The following LRBA variants were observed in gnomAD, a reference collection of about 807,000 sequenced individuals.
LRBA encodes LPS responsive beige-like anchor protein, also known as lipopolysaccharide-responsive and beige-like anchor protein.
LRBA carries 176 observed loss-of-function variants against 330.0 expected under a neutral mutation model. That is an observed-to-expected ratio of 0.53 (90% CI 0.47 to 0.60). The LOEUF is 0.60. LRBA is among the 20% of genes least tolerant of loss of function. LRBA has a pLI of 0.00. For missense variants in LRBA, 3,259 were observed against 3,444.8 expected, an observed-to-expected ratio of 0.95 and a Z score of 1.35; for synonymous variants, 1,230 against 1,193.0, an observed-to-expected ratio of 1.03 and a Z score of -0.64.
chr4:150,850,686 G>T (rs764689833), intron 24 of LRBA, 38 bp downstream of exon 24: 2 of 1,327,778 alleles, frequency 1.5e-6, no homozygotes, highest in Non-Finnish European at 2.1e-6. Flanking sequence ...TAAAGACTAG[G>T]TTTATACACA....
intron 53 of LRBA, among the ~76,000 whole-genome samples, chr4:150,292,581 G>A (rs1728454934): frequency 6.6e-6 from 1 of 152,110 alleles, no homozygotes; most frequent in Non-Finnish European, 1.5e-5. Flanking sequence ...ACTCCTGGCT[G>A]GGCCAGAAAA....
rs573454519 is a variant in LRBA at position 150,952,513 on chromosome 4, T to TA, written c.217-23449dup. ...CTTTAAACAATAAAAAAAAGGACTT[T>TA]AAAAAATCCAAGTAGTAAAGGCCAT... is the stretch of plus-strand genomic sequence containing the variant. On this transcript the variant is annotated intron_variant, in intron 2 of 56. Transcript: ENST00000651943. Among the ~76,000 whole-genome samples the TA allele has an allele frequency of 7.3e-3, 1,106 of 152,250 alleles. 8 individuals are homozygous for TA. Among genetic ancestry groups the TA allele is most frequent in the Middle Eastern group, 0.02 (6 of 294 alleles).
chr4:150,981,627 T>C (rs557360484), intron 2 of LRBA, among the ~76,000 whole-genome samples: 2 of 151,648 alleles, frequency 1.3e-5, no homozygotes, highest in Non-Finnish European at 2.9e-5. Context: ...AACAAATCCA[T>C]ACAACTACAG....
chr4:150,601,667 C>A (rs1774127184), intron 37 of LRBA, among the ~76,000 whole-genome samples: 1 of 151,928 alleles, frequency 6.6e-6, no homozygotes, highest in African/African-American at 2.4e-5. Context: ...TGCAGACATA[C>A]ATACTGTCTT....
chr4:150,379,303 CAAAAAAAA>C (rs10634420), intron 47 of LRBA, among the ~76,000 whole-genome samples: 2 of 59,884 alleles, frequency 3.3e-5, no homozygotes, highest in Non-Finnish European at 5.6e-5. Context: ...AACTCTAGCT[CAAAAAAAA>C]AAAAAAAAAA....
intron 41 of LRBA, among the ~76,000 whole-genome samples, chr4:150,490,638 C>T (rs1480588366): frequency 6.6e-6 from 1 of 151,852 alleles, no homozygotes; most frequent in Non-Finnish European, 1.5e-5. Flanking sequence ...CATCAAAACT[C>T]CTCTTCAAGC....
chr4:150,871,308 A>C (rs1287771001), intron 19 of LRBA, 37 bp downstream of exon 19: 1 of 1,116,882 alleles, frequency 9.0e-7, no homozygotes, highest in African/African-American at 1.5e-5. Context: ...TTTTATAATA[A>C]GAAATTTAGA....
chr4:150,370,790 C>G (rs555355249), intron 47 of LRBA, among the ~76,000 whole-genome samples: 140 of 152,274 alleles, frequency 9.2e-4, no homozygotes, highest in African/African-American at 3.3e-3. Flanking sequence ...TATGAGAACT[C>G]TCTAAAGGTT....
intron 30 of LRBA, among the ~76,000 whole-genome samples, chr4:150,822,766 T>C (rs1578893962): frequency 6.6e-6 from 1 of 151,936 alleles, no homozygotes; most frequent in East Asian, 1.9e-4. Flanking sequence ...ATAAAATAAA[T>C]AAATAAAAAT....
intron 36 of LRBA, among the ~76,000 whole-genome samples, chr4:150,716,544 T>C (rs1469492088): frequency 1.3e-5 from 2 of 152,190 alleles, no homozygotes; most frequent in African/African-American, 2.4e-5. Context: ...TAAATGACTT[T>C]CACTCTTTAC....
chr4:150,952,319 T>C (rs1736924763), intron 2 of LRBA, among the ~76,000 whole-genome samples: 1 of 152,020 alleles, frequency 6.6e-6, no homozygotes, highest in African/African-American at 2.4e-5. Flanking sequence ...TGAAGACAGA[T>C]GCTGATACAT....
At chr4:150,319,409 G>A (rs1024689441) in intron 50 of LRBA, among the ~76,000 whole-genome samples, 4 of 152,128 alleles carry the variant, frequency 2.6e-5, no homozygotes, top group Non-Finnish European at 4.4e-5. Context: ...ACCGCACATA[G>A]AGTAGGTAAA....
intron 40 of LRBA, among the ~76,000 whole-genome samples, chr4:150,528,703 C>A (rs1226255320): frequency 6.6e-6 from 1 of 151,860 alleles, no homozygotes; most frequent in Non-Finnish European, 1.5e-5. Flanking sequence ...TTTTCAGCAT[C>A]ATCGATTTTT....
At chr4:150,601,044 C>G (rs898312447) in intron 37 of LRBA, among the ~76,000 whole-genome samples, 8 of 152,174 alleles carry the variant, frequency 5.3e-5, no homozygotes, top group Admixed American at 2.0e-4. Flanking sequence ...TAATTAGTTC[C>G]CTAGACTGAG....
chr4:151,009,291 T>C (rs1744525792), intron 2 of LRBA, among the ~76,000 whole-genome samples: 1 of 151,830 alleles, frequency 6.6e-6, no homozygotes, highest in Non-Finnish European at 1.5e-5. Flanking sequence ...CTCAAACTTG[T>C]AATCCCAGCA....
At chr4:150,845,516 G>A (rs1749729625) in intron 26 of LRBA, among the ~76,000 whole-genome samples, 1 of 152,152 alleles carries the variant, frequency 6.6e-6, no homozygotes, top group Non-Finnish European at 1.5e-5. Flanking sequence ...TGAATTGCTT[G>A]ATACCATGTA....
At chr4:150,322,638 A>T (rs1207874923) in intron 49 of LRBA, among the ~76,000 whole-genome samples, 1 of 152,238 alleles carries the variant, frequency 6.6e-6, no homozygotes, top group South Asian at 2.1e-4. Flanking sequence ...TTAGAAAAAC[A>T]TATTGCACTA....
intron 2 of LRBA, among the ~76,000 whole-genome samples, chr4:150,938,807 G>A (rs764364943): frequency 1.3e-5 from 2 of 152,122 alleles, no homozygotes; most frequent in Non-Finnish European, 2.9e-5. Flanking sequence ...TCACCTGAAG[G>A]ACAAATACAT....
In LRBA at chr4:150,611,893, C is replaced by T. The variant is rs148642141; in HGVS notation, c.5922-12762G>A. Among the ~76,000 whole-genome samples the T allele has an allele frequency of 4.7e-4, 72 of 152,164 alleles. No individual in the cohort carries two copies. In the East Asian group the frequency reaches 9.9e-3, roughly 21 times the overall value. The stretch of plus-strand genomic sequence containing the variant: ...GGCATACAGAACCTTTATTTCTACG[C>T]GCTCTCTCTCTCTCTTTCTCTCTCT... On this transcript the variant is annotated intron_variant, in intron 37 of 56. Coordinates refer to ENST00000651943, the MANE Select transcript of LRBA (RefSeq NM_001364905.1).
Sources: allele counts gnomAD v4.1 joint callset (sites outside exome capture counted in the v4.1 genomes callset), GRCh38; gene constraint gnomAD v4.1.1; transcripts MANE v1.5; gene names NCBI Gene and HGNC (gene_info 2026-07-23, HGNC 2026-07-21).